WDR41: variants seen among roughly 807,000 people sequenced by gnomAD.
WDR41 encodes the protein WD repeat-containing protein 41.
A neutral mutation model predicts 69.3 loss-of-function variants in WDR41; 63 were observed. The observed-to-expected ratio is 0.91, with a 90% CI of 0.74 to 1.12. The LOEUF (loss-of-function observed/expected upper bound fraction) is 1.12, where lower values mean the gene tolerates loss of function less well. Ranked by LOEUF, WDR41 falls within the 50% of genes most tolerant of loss-of-function variation. WDR41 has a pLI of 0.00. For missense variants in WDR41, 543 were observed against 534.5 expected (o/e 1.02, Z -0.16); for synonymous variants, 185 against 192.1 (o/e 0.96, Z 0.31).
In WDR41 at chr5:77,433,106, TCATG is replaced by T. The variant is rs768760270; in HGVS notation, c.*25_*28del. 1.3e-6 allele frequency: 2 copies of T among 1,595,182 alleles called. No individual in the cohort carries two copies. Among genetic ancestry groups the T allele is most frequent in the Non-Finnish European group, 1.7e-6 (2 of 1,170,878 alleles). On this transcript the variant is annotated 3_prime_UTR_variant, in exon 13 of 13. Coordinates refer to ENST00000296679, the MANE Select transcript of WDR41 (RefSeq NM_018268.4). ...GTACCCGATATTTGATGTTCAAGGT[TCATG>T]CATGTGTATTTTTAATTCCTTAAAC...
chr5:77,523,603 C>T (rs1207669893), intron 1 of WDR41, among the ~76,000 whole-genome samples: 1 of 151,310 alleles, frequency 6.6e-6, no homozygotes, highest in Admixed American at 6.6e-5. Context: ...TTCAAGTAAG[C>T]TGAGTTAGAA....
intron 4 of WDR41, among the ~76,000 whole-genome samples, chr5:77,460,063 C>A (rs1302650682): frequency 6.6e-6 from 1 of 152,106 alleles, no homozygotes; most frequent in Non-Finnish European, 1.5e-5. Context: ...GGCTGTTTAC[C>A]CTTGTGATCT....
At chr5:77,544,919 C>T (rs149114411) in intron 1 of WDR41, among the ~76,000 whole-genome samples, 1,614 of 152,140 alleles carry the variant, frequency 0.011, 38 homozygotes, top group African/African-American at 0.037. Context: ...ATATGATAGG[C>T]CACAAAATGA....
intron 5 of WDR41, among the ~76,000 whole-genome samples, chr5:77,455,509 C>A (rs1799792461): frequency 6.6e-6 from 1 of 152,074 alleles, no homozygotes; most frequent in Non-Finnish European, 1.5e-5. Flanking sequence ...CTTTTGATAT[C>A]ATATTTAAGA....
At chr5:77,583,760 T>A (rs924743685) in intron 1 of WDR41, among the ~76,000 whole-genome samples, 1 of 152,142 alleles carries the variant, frequency 6.6e-6, no homozygotes, top group Non-Finnish European at 1.5e-5. Context: ...ACTCATTTTA[T>A]GAGGCAAGTA....
At chr5:77,451,379 C>A (rs1461786068) in intron 6 of WDR41, 26 bp from the exon 7 acceptor site, 4 of 1,602,226 alleles carry the variant, frequency 2.5e-6, no homozygotes, top group South Asian at 1.1e-5. Context: ...AAACAAAGTT[C>A]AAATTATTTT....
intron 1 of WDR41, 96 bp from the exon 2 acceptor site, chr5:77,489,668 C>A: frequency 1.6e-6 from 1 of 615,352 alleles, no homozygotes; most frequent in Non-Finnish European, 2.7e-6. Flanking sequence ...CCATGGTATA[C>A]ATCTGAGAAC....
rs1274135278 is a variant in WDR41 at position 77,610,751 on chromosome 5, C to T, written c.42+9728G>A. ...ACTAGGAAGAAACTGCATCAACTAA[C>T]GAGCAAAATCACCAGCTAACATCAT... On this transcript the variant is annotated intron_variant, in intron 1 of 5. Coordinates refer to the WDR41 transcript ENST00000509971. Among the ~76,000 whole-genome samples the T allele has an allele frequency of 6.1e-4, 93 of 152,180 alleles. 1 individual carries two copies. The highest frequency in any genetic ancestry group is 6.8e-3 in the Middle Eastern group (2 of 294).
Position 77,598,514 on chromosome 5 carries a change from C to T in WDR41, c.42+21965G>A, listed in dbSNP as rs570290007. 7.9e-5 allele frequency among the ~76,000 whole-genome samples: 12 copies of T among 152,254 alleles called. No individual in the cohort carries two copies. The South Asian group carries it at 2.1e-3, about 26-fold the overall frequency. ...GAGAAGACCCTGCCTGAGAACAGAA[C>T]ACAAACAGCACAAGTCAGAGGTGAG... On this transcript the variant is annotated intron_variant, in intron 1 of 5. Transcript: ENST00000509971.
intron 1 of WDR41, among the ~76,000 whole-genome samples, chr5:77,606,511 T>C (rs1225019237): frequency 1.3e-5 from 2 of 152,106 alleles, no homozygotes; most frequent in East Asian, 3.9e-4. Flanking sequence ...GTGGCTGAGC[T>C]AGATAAATGT....
chr5:77,573,262 T>A (rs1183656826), intron 1 of WDR41, among the ~76,000 whole-genome samples: 1 of 151,362 alleles, frequency 6.6e-6, no homozygotes. Context: ...TCTCTCTCTC[T>A]CTCTCTTTAT....
At chr5:77,599,966 G>A (rs1744294048) in intron 1 of WDR41, among the ~76,000 whole-genome samples, 1 of 152,172 alleles carries the variant, frequency 6.6e-6, no homozygotes, top group Non-Finnish European at 1.5e-5. Context: ...GAAACTCCAA[G>A]TTTTGTGGTT....
At chr5:77,441,138 T>A (rs1249139927) in intron 8 of WDR41, 141 bp from the exon 9 acceptor site, 1 of 781,526 alleles carries the variant, frequency 1.3e-6, no homozygotes, top group Non-Finnish European at 1.9e-6. Context: ...ACAGAAAGAT[T>A]AATGTAACAG....
intron 2 of WDR41, 103 bp from the exon 3 acceptor site, chr5:77,464,912 A>G (rs1327113367): frequency 5.2e-6 from 6 of 1,156,566 alleles, no homozygotes; most frequent in Non-Finnish European, 7.6e-6. Flanking sequence ...ACTAATATTA[A>G]CGAAGATCAA....
chr5:77,437,464 C>T (rs1561725645), intron 10 of WDR41, 40 bp from the exon 11 acceptor site: 1 of 1,535,374 alleles, frequency 6.5e-7, no homozygotes, highest in Admixed American at 1.7e-5. Context: ...AAGAGCGCAC[C>T]ACTGAGGGCC....
chr5:77,548,095 A>T (rs1454056536), intron 1 of WDR41, among the ~76,000 whole-genome samples: 3 of 152,218 alleles, frequency 2.0e-5, no homozygotes, highest in Non-Finnish European at 2.9e-5. Context: ...GGAAAATGAA[A>T]CTGGATCCTC....
chr5:77,550,966 C>A (rs573583109), intron 1 of WDR41, among the ~76,000 whole-genome samples: 1 of 152,104 alleles, frequency 6.6e-6, no homozygotes, highest in Non-Finnish European at 1.5e-5. Flanking sequence ...AAACCAAATA[C>A]CACAGGTTCT....
intron 7 of WDR41, 115 bp downstream of exon 7, chr5:77,451,176 A>G: frequency 1.1e-6 from 1 of 893,848 alleles, no homozygotes; most frequent in Non-Finnish European, 1.8e-6. Context: ...CAATCCCAAG[A>G]AGCCAAGAGT....
intron 2 of WDR41, among the ~76,000 whole-genome samples, chr5:77,475,440 A>G (rs1432476843): frequency 1.3e-5 from 2 of 152,178 alleles, no homozygotes; most frequent in African/African-American, 2.4e-5. Flanking sequence ...CTTTGAAGAG[A>G]GCAGTGGTTC....
Sources: allele counts gnomAD v4.1 joint callset (sites outside exome capture counted in the v4.1 genomes callset), GRCh38; gene constraint gnomAD v4.1.1; transcripts MANE v1.5; gene names NCBI Gene and HGNC (gene_info 2026-07-23, HGNC 2026-07-21).